VPS53: variants seen among roughly 807,000 people sequenced by gnomAD.
VPS53 encodes the protein VPS53 subunit of GARP complex.
In VPS53, 70 loss-of-function variants were observed where a neutral mutation model predicts 107.0. That is an observed-to-expected ratio of 0.65 (90% CI 0.54 to 0.80). The LOEUF (loss-of-function observed/expected upper bound fraction) is 0.80, where lower values mean the gene tolerates loss of function less well. Ranked by LOEUF, VPS53 falls within the 30% of genes least tolerant of loss-of-function variation. The pLI is 0.00. For missense variants in VPS53, 917 were observed against 1,049.4 expected (o/e 0.87, Z 1.74); for synonymous variants, 409 against 393.3 (o/e 1.04, Z -0.47).
At chr17:558,661 T>C (rs778352637) in intron 15 of VPS53, among the ~76,000 whole-genome samples, 71 of 150,184 alleles carry the variant, frequency 4.7e-4, no homozygotes, top group Non-Finnish European at 8.3e-4. Flanking sequence ...TGAAGCACTA[T>C]AAACAACGAT....
intron 4 of VPS53, among the ~76,000 whole-genome samples, chr17:666,971 G>A (rs928511115): frequency 6.6e-6 from 1 of 152,132 alleles, no homozygotes; most frequent in Admixed American, 6.5e-5. Flanking sequence ...GGAAGTTGTT[G>A]GTGACCTTGA....
chr17:671,359 A>G (rs901223592), intron 4 of VPS53, among the ~76,000 whole-genome samples: 2 of 151,820 alleles, frequency 1.3e-5, no homozygotes, highest in Non-Finnish European at 2.9e-5. Flanking sequence ...AGAAAGAAAG[A>G]AAAGAAAGAA....
rs1213735625 is a variant in VPS53 at position 516,849 on chromosome 17, A to AC, written c.*2278dup. 1 of 152,300 alleles carries AC rather than the reference A, an allele frequency of 6.6e-6. No individual in the cohort carries two copies. The highest frequency in any genetic ancestry group is 1.5e-5 in the Non-Finnish European group (1 of 68,060). 9.4% of individuals were successfully genotyped at this position (152,300 alleles called of 1,614,324 possible). ...CAAGACAGCAACTTCCCTGGCTGTG[A>AC]CCACCAACTGTGGAAAACAGCAGCT... On this transcript the variant is annotated 3_prime_UTR_variant, in exon 22 of 22. Coordinates refer to ENST00000437048, the MANE Select transcript of VPS53 (RefSeq NM_001128159.3).
chr17:529,588 A>G (rs951915327), intron 19 of VPS53, among the ~76,000 whole-genome samples: 1 of 152,034 alleles, frequency 6.6e-6, no homozygotes, highest in African/African-American at 2.4e-5. Flanking sequence ...CTCCATATGT[A>G]TTTCTTTTTG....
At position 524,914 on chromosome 17, in the gene VPS53, T is replaced by C. The variant is rs999126634; in HGVS notation, c.2086-3176A>G. On this transcript the variant is annotated intron_variant, in intron 19 of 21. Coordinates refer to ENST00000437048, the MANE Select transcript of VPS53 (RefSeq NM_001128159.3). The surrounding 1 kb of genome is among the most constrained non-coding windows in gnomAD (Gnocchi z 4.5). ...AGCAACATTTCCTTAGCTGGAGATG[T>C]GTATCACCCATAACACAGCATTAAT... 6.6e-6 allele frequency among the ~76,000 whole-genome samples: 1 copy of C among 152,228 alleles called. No homozygotes were observed. The highest frequency in any genetic ancestry group is 1.5e-5 in the Non-Finnish European group (1 of 68,044).
intron 17 of VPS53, among the ~76,000 whole-genome samples, chr17:548,297 T>C (rs1911415221): frequency 6.6e-6 from 1 of 152,232 alleles, no homozygotes; most frequent in African/African-American, 2.4e-5. Context: ...CCAGGCTCAA[T>C]CCCTCTTGTC....
chr17:662,795 GAGAA>G lies in VPS53; in HGVS notation c.286-904_286-901del, dbSNP rs113775542. On this transcript the variant is annotated intron_variant, in intron 4 of 21. Transcript: ENST00000437048. ...AAAGAGAAAGAAAGAAAAAAAGAAA[GAGAA>G]AGAAAGAAAAAAAGAAAGAAAGAGA... Among the ~76,000 whole-genome samples, 776 of 140,144 alleles carry G rather than the reference GAGAA, an allele frequency of 5.5e-3. 8 individuals carry two copies. Among genetic ancestry groups the G allele is most frequent in the African/African-American group, 0.016 (642 of 38,956 alleles). 91.9% of individuals were successfully genotyped at this position (140,144 alleles called of 152,430 possible).
intron 4 of VPS53, among the ~76,000 whole-genome samples, chr17:673,088 G>A (rs1462681287): frequency 6.6e-6 from 1 of 151,252 alleles, no homozygotes. Flanking sequence ...CTCCAGCCTG[G>A]GGCACAGAGC....
intron 18 of VPS53, 191 bp from the exon 19 acceptor site, chr17:533,102 T>G: frequency 2.0e-6 from 2 of 1,016,978 alleles, no homozygotes; most frequent in Non-Finnish European, 2.8e-6. Flanking sequence ...CATGAGGCCC[T>G]GGCAGGCCCG....
chr17:510,813 C>G lies in VPS53; in HGVS notation c.*8315G>C, dbSNP rs1907899904. On this transcript the variant is annotated 3_prime_UTR_variant, in exon 22 of 22. Coordinates refer to ENST00000437048, the MANE Select transcript of VPS53 (RefSeq NM_001128159.3). ...CCAGGGCTACCCCAACTGACCTCCA[C>G]TCCCCTCAGCACCCTCCTCTGGCCT... The G allele has an allele frequency of 6.5e-6, 1 of 152,852 alleles. No individual in the cohort carries two copies. 9.5% of individuals were successfully genotyped at this position (152,852 alleles called of 1,614,324 possible).
chr17:532,617 T>C (rs562915642), intron 19 of VPS53: 3 of 1,140,536 alleles, frequency 2.6e-6, no homozygotes, highest in Non-Finnish European at 3.4e-6. Context: ...CCATGGTGCT[T>C]GCTGTGTTAT....
intron 13 of VPS53, among the ~76,000 whole-genome samples, chr17:582,049 T>A (rs1046826884): frequency 6.7e-6 from 1 of 149,864 alleles, no homozygotes; most frequent in African/African-American, 2.5e-5. Flanking sequence ...CCAGAGAACC[T>A]CCCTCAGAAC....
intron 2 of VPS53, among the ~76,000 whole-genome samples, chr17:707,831 T>A (rs1362509823): frequency 1.5e-4 from 16 of 109,086 alleles, no homozygotes; most frequent in Admixed American, 3.2e-4. Flanking sequence ...GGCAACAGAG[T>A]AAAACTCTCT....
intron 17 of VPS53, among the ~76,000 whole-genome samples, chr17:544,354 T>C (rs775575314): frequency 2.6e-5 from 4 of 152,178 alleles, no homozygotes; most frequent in Non-Finnish European, 5.9e-5. Flanking sequence ...TTCAAAAACA[T>C]CTGGTCGGGC....
At position 520,275 on chromosome 17, in the gene VPS53, T is replaced by A. The variant is rs1908629198; in HGVS notation, c.2224-345A>T. Among the ~76,000 whole-genome samples, 1 of 152,208 alleles carries A rather than the reference T, an allele frequency of 6.6e-6. No homozygotes were observed. Among genetic ancestry groups the A allele is most frequent in the African/African-American group, 2.4e-5 (1 of 41,452 alleles). On this transcript the variant is annotated intron_variant, in intron 20 of 21. Transcript: ENST00000437048. The surrounding 1 kb of genome is among the most constrained non-coding windows in gnomAD (Gnocchi z 4.4). Reference sequence around the variant, plus strand: ...AAGACTCTAATTCAGTAGGCCTGGCTGGAGTCCCAGGTGACTTTTAAACTA... The same window carrying A: ...AAGACTCTAATTCAGTAGGCCTGGCAGGAGTCCCAGGTGACTTTTAAACTA...
rs1255092946 is a variant in VPS53, at chr17:662,786, A to AG, written c.286-892_286-891insC. Among the ~76,000 whole-genome samples the AG allele has an allele frequency of 2.5e-3, 362 of 144,038 alleles. 7 individuals are homozygous for AG. The highest frequency in any genetic ancestry group is 0.017 in the East Asian group (77 of 4,530). 94.5% of individuals were successfully genotyped at this position (144,038 alleles called of 152,430 possible). A position where few individuals can be genotyped will look rare whatever the true frequency, so the allele number is the denominator to read the frequency against. The stretch of plus-strand genomic sequence containing the variant: ...GAAAGAAAGAAAGAGAAAGAAAGAA[A>AG]AAAAGAAAGAGAAAGAAAGAAAAAA... On this transcript the variant is annotated intron_variant, in intron 4 of 21. Transcript: ENST00000437048.
At chr17:610,176 CACAA>C (rs1352070746) in intron 11 of VPS53, among the ~76,000 whole-genome samples, 77 of 106,638 alleles carry the variant, frequency 7.2e-4, no homozygotes, top group African/African-American at 2.5e-3. Flanking sequence ...CACACACACA[CACAA>C]ATTAGTAGAC....
intron 4 of VPS53, among the ~76,000 whole-genome samples, chr17:669,405 C>G (rs1420362422): frequency 1.3e-5 from 2 of 151,962 alleles, no homozygotes; most frequent in Admixed American, 1.3e-4. Flanking sequence ...GTCTGACCAA[C>G]ATGACGAAAC....
intron 5 of VPS53, chr17:657,049 C>A: frequency 1.1e-6 from 1 of 883,656 alleles, no homozygotes. Context: ...CCATATATGG[C>A]TTGCCAGTGT....
Sources: gnomAD v4.1 joint callset for allele counts (sites outside exome capture counted in the v4.1 genomes callset) on GRCh38, gnomAD v4.1.1 for gene constraint, Gnocchi (gnomAD v3.1) non-coding constraint, MANE v1.5 for transcripts, NCBI Gene and HGNC (gene_info 2026-07-23, HGNC 2026-07-21) for gene names.